Variants in GALNT13 observed in about 807,000 individuals in gnomAD.
GALNT13 encodes polypeptide N-acetylgalactosaminyltransferase 13, also known as UDP-GalNAc:polypeptide N-acetylgalactosaminyltransferase 13.
In GALNT13, 28 loss-of-function variants were observed where a neutral mutation model predicts 64.2. The ratio of observed to expected loss-of-function variants is 0.44; its 90% CI spans 0.32 to 0.60. The LOEUF is 0.60. GALNT13 is among the 20% of genes least tolerant of loss of function. The pLI, the probability that GALNT13 is intolerant of heterozygous loss-of-function variation, is 0.05. For synonymous variants in GALNT13, 214 were observed against 224.6 expected (o/e 0.95, Z 0.42); for missense variants, 577 against 669.8 (o/e 0.86, Z 1.53).
chr2:153,484,770 T>C, the GALNT13 span, among the ~76,000 whole-genome samples: 1 of 152,190 alleles, frequency 6.6e-6, no homozygotes, highest in Non-Finnish European at 1.5e-5. Flanking sequence ...GATTCAATAG[T>C]CTAGCCTGAT....
the GALNT13 span, among the ~76,000 whole-genome samples, chr2:153,358,532 T>A: frequency 1.3e-5 from 2 of 152,198 alleles, no homozygotes; most frequent in Non-Finnish European, 2.9e-5. Flanking sequence ...ACTTTTATAT[T>A]TTCCCCTTTT....
chr2:154,179,317 A>T (rs1559008043), intron 4 of GALNT13, among the ~76,000 whole-genome samples: 1 of 152,206 alleles, frequency 6.6e-6, no homozygotes, highest in Non-Finnish European at 1.5e-5. Flanking sequence ...CTCAATAAGT[A>T]TTCCGTGAAC....
the GALNT13 span, among the ~76,000 whole-genome samples, chr2:153,248,143 G>C: frequency 6.6e-6 from 1 of 152,144 alleles, no homozygotes; most frequent in Non-Finnish European, 1.5e-5. Context: ...ACAAAGAGGA[G>C]CTGGTACCAT....
chr2:153,606,597 C>A, the GALNT13 span, among the ~76,000 whole-genome samples: 1 of 152,110 alleles, frequency 6.6e-6, no homozygotes, highest in East Asian at 1.9e-4. Context: ...ATTGGACACA[C>A]CTGCCCTAAA....
At chr2:153,142,078 C>A in the GALNT13 span, among the ~76,000 whole-genome samples, 1 of 152,060 alleles carries the variant, frequency 6.6e-6, no homozygotes, top group African/African-American at 2.4e-5. Context: ...TGTAATTTCT[C>A]ACGAACTGCT....
At chr2:153,189,447 C>T in the GALNT13 span, among the ~76,000 whole-genome samples, 1 of 152,070 alleles carries the variant, frequency 6.6e-6, no homozygotes, top group South Asian at 2.1e-4. Flanking sequence ...TTTTAATGGT[C>T]AGGTAATATT....
At chr2:153,293,650 A>C in the GALNT13 span, among the ~76,000 whole-genome samples, 2 of 152,350 alleles carry the variant, frequency 1.3e-5, no homozygotes, top group African/African-American at 2.4e-5. Context: ...GTGCTAATTC[A>C]TCATTGTAGC....
At chr2:153,766,120 G>A in the GALNT13 span, among the ~76,000 whole-genome samples, 1 of 151,534 alleles carries the variant, frequency 6.6e-6, no homozygotes, top group Non-Finnish European at 1.5e-5. Context: ...AGACAACTTT[G>A]TTGGATAAAA....
chr2:153,381,351 T>G, the GALNT13 span, among the ~76,000 whole-genome samples: 1 of 152,150 alleles, frequency 6.6e-6, no homozygotes, highest in East Asian at 1.9e-4. Context: ...TTTTAAGGGC[T>G]GGTAGAAGTG....
chr2:153,311,552 G>A, the GALNT13 span, among the ~76,000 whole-genome samples: 13 of 152,280 alleles, frequency 8.5e-5, no homozygotes, highest in African/African-American at 3.1e-4. Flanking sequence ...TAAAAGTGTT[G>A]GCTGAGTTGC....
chr2:153,551,273 G>A, the GALNT13 span, among the ~76,000 whole-genome samples: 1 of 152,202 alleles, frequency 6.6e-6, no homozygotes, highest in African/African-American at 2.4e-5. Context: ...CGTTTGGGCA[G>A]CAATTTCTCA....
the GALNT13 span, among the ~76,000 whole-genome samples, chr2:153,086,665 C>A: frequency 1.3e-5 from 2 of 151,882 alleles, no homozygotes; most frequent in African/African-American, 2.4e-5. Context: ...TCTTTACTAG[C>A]AGTATGAGAA....
At chr2:153,549,674 A>G in the GALNT13 span, among the ~76,000 whole-genome samples, 1 of 152,234 alleles carries the variant, frequency 6.6e-6, no homozygotes, top group Non-Finnish European at 1.5e-5. Flanking sequence ...CAAGCTTTTC[A>G]TGCAGAGCCT....
At chr2:154,256,784 A>G (rs957210911) in intron 7 of GALNT13, among the ~76,000 whole-genome samples, 2 of 152,174 alleles carry the variant, frequency 1.3e-5, no homozygotes, top group African/African-American at 4.8e-5. Context: ...CATTGAGCTG[A>G]CTATTCCCCT....
At chr2:153,820,027 A>C in the GALNT13 span, among the ~76,000 whole-genome samples, 1 of 152,240 alleles carries the variant, frequency 6.6e-6, no homozygotes, top group African/African-American at 2.4e-5. Context: ...GCAATCCAGG[A>C]AATGAAGAAA....
chr2:153,894,793 A>G (rs946591831), intron 1 of GALNT13, among the ~76,000 whole-genome samples: 1 of 152,136 alleles, frequency 6.6e-6, no homozygotes, highest in African/African-American at 2.4e-5. Context: ...ACAATAACAG[A>G]ACTTAAATAT....
the GALNT13 span, among the ~76,000 whole-genome samples, chr2:153,674,716 A>G: frequency 1.6e-4 from 24 of 152,296 alleles, no homozygotes; most frequent in Non-Finnish European, 2.2e-4. Flanking sequence ...TAATTAAACT[A>G]AAGAGCTTCT....
At chr2:153,365,061 A>G in the GALNT13 span, among the ~76,000 whole-genome samples, 1 of 152,192 alleles carries the variant, frequency 6.6e-6, no homozygotes, top group Non-Finnish European at 1.5e-5. Flanking sequence ...TCAATGGAAC[A>G]GAACAGAAAC....
chr2:153,478,790 G>A, the GALNT13 span: 4 of 478,630 alleles, frequency 8.4e-6, no homozygotes, highest in Admixed American at 1.2e-4. Flanking sequence ...CCCTGGTGGT[G>A]CTCGTTCCCG....
Sources: allele counts gnomAD v4.1 joint callset (sites outside exome capture counted in the v4.1 genomes callset), GRCh38; gene constraint gnomAD v4.1.1; transcripts MANE v1.5; gene names NCBI Gene and HGNC (gene_info 2026-07-23, HGNC 2026-07-21).